Variants in C18orf63 observed in about 807,000 individuals in gnomAD.
C18orf63 encodes chromosome 18 open reading frame 63, also known as uncharacterized protein C18orf63.
A neutral mutation model predicts 75.3 loss-of-function variants in C18orf63; 50 were observed. The ratio of observed to expected loss-of-function variants is 0.66; its 90% confidence interval spans 0.53 to 0.84. C18orf63 has a LOEUF of 0.84. Among genes scored for constraint, C18orf63 ranks in the 40% least tolerant of loss-of-function variants. The pLI is 0.00. For synonymous variants in C18orf63, 232 were observed against 267.6 expected, an observed-to-expected ratio of 0.87 and a Z score of 1.30; for missense variants, 732 against 800.2, an observed-to-expected ratio of 0.91 and a Z score of 1.03.
intron 9 of C18orf63, 45 bp from the exon 10 acceptor site, chr18:74,342,196 T>C: frequency 6.9e-7 from 1 of 1,442,302 alleles, no homozygotes; most frequent in Non-Finnish European, 9.4e-7. Flanking sequence ...TTAACCTAAG[T>C]TTAGCTTTCT....
rs899211550 is a variant in C18orf63, at chr18:74,355,340, A to G, written c.*33+794A>G. Among the ~76,000 whole-genome samples the G allele has an allele frequency of 2.6e-5, 4 of 152,022 alleles. No individual in the cohort carries two copies. In the East Asian group the frequency reaches 7.8e-4, roughly 30 times the overall value. On this transcript the variant is annotated intron_variant, in intron 13 of 13. Transcript: ENST00000579455. Reference sequence around the variant, plus strand: ...GACATCTTAATATTTTAATGCACTCAGTAGGTGACTGAGGGAAAAATGCAT... The same window carrying G: ...GACATCTTAATATTTTAATGCACTCGGTAGGTGACTGAGGGAAAAATGCAT...
intron 7 of C18orf63, among the ~76,000 whole-genome samples, chr18:74,337,313 C>T (rs543860377): frequency 3.9e-5 from 6 of 152,054 alleles, no homozygotes; most frequent in Non-Finnish European, 8.8e-5. Context: ...GGTGGTTTGC[C>T]AGTCTTTAAT....
At chr18:74,322,458 C>T (rs1984140270) in intron 3 of C18orf63, among the ~76,000 whole-genome samples, 2 of 151,942 alleles carry the variant, frequency 1.3e-5, no homozygotes, top group African/African-American at 4.8e-5. Context: ...TGACCTTTTC[C>T]TTTATATGGA....
intron 8 of C18orf63, among the ~76,000 whole-genome samples, chr18:74,340,120 A>G (rs950571967): frequency 6.6e-6 from 1 of 151,674 alleles, no homozygotes; most frequent in East Asian, 1.9e-4. Context: ...ATAAAGAGCT[A>G]CTATCCAAAG....
At chr18:74,348,418 A>G (rs1223490978) in intron 11 of C18orf63, among the ~76,000 whole-genome samples, 1 of 152,224 alleles carries the variant, frequency 6.6e-6, no homozygotes, top group Non-Finnish European at 1.5e-5. Context: ...GGTGCAATGC[A>G]CTGAACCAAA....
chr18:74,353,287 G>A lies in C18orf63; in HGVS notation c.1020G>A (p.Met340Ile). Residue 340 changes from methionine to isoleucine, a missense_variant, in exon 12 of 14, where the codon ATG becomes ATA. Physicochemically the swap from Met to Ile is conservative, Grantham distance 10. Around this residue, in one of 3 missense-constraint regions of C18orf63, gnomAD observed 495 missense variants for 508.7 expected, o/e 0.97. Transcript: ENST00000579455. ...CACCCAATTTGACCACTAAAAAAAT[G>A]CTTAGGGCATCTCTGACTCAAGCCA... Reference protein sequence around the residue: ...VKPPNLTTKKMLRASLTQATS... With the variant: ...VKPPNLTTKKILRASLTQATS... 6.5e-7 allele frequency: 1 copy of A among 1,536,312 alleles called. No homozygotes were observed. The highest frequency in any genetic ancestry group is 8.7e-7 in the Non-Finnish European group (1 of 1,146,938).
intron 6 of C18orf63, 72 bp downstream of exon 6, chr18:74,329,108 G>C: frequency 1.0e-6 from 1 of 994,386 alleles, no homozygotes; most frequent in South Asian, 1.4e-5. Context: ...AGTATCATAT[G>C]CTGGGCACAG....
intron 7 of C18orf63, among the ~76,000 whole-genome samples, chr18:74,336,992 C>G (rs1053277514): frequency 6.6e-6 from 1 of 152,012 alleles, no homozygotes; most frequent in Non-Finnish European, 1.5e-5. Flanking sequence ...TTAAACCAGT[C>G]TCCATATGGG....
At position 74,354,252 on chromosome 18, in the gene C18orf63, GTTC is replaced by G; in HGVS notation, c.1990_1992del (p.Ser664del). The G allele has an allele frequency of 6.6e-7, 1 of 1,510,546 alleles. No homozygotes were observed. The highest frequency in any genetic ancestry group is 8.8e-7 in the Non-Finnish European group (1 of 1,138,384). 93.6% of individuals were successfully genotyped at this position (1,510,546 alleles called of 1,614,324 possible). ...GATACTGTGCACTATGGCCAATCCA[GTTC>G]TTCTAAGAAGCAGGTAAAAAAAAAA... On this transcript the variant is annotated inframe_deletion, in exon 12 of 14. Transcript: ENST00000579455.
At chr18:74,355,247 T>G (rs115253048) in intron 13 of C18orf63, among the ~76,000 whole-genome samples, 1,891 of 152,326 alleles carry the variant, frequency 0.012, 28 homozygotes, top group African/African-American at 0.042. Flanking sequence ...CAGCCTGATT[T>G]TAATTAACCA....
intron 11 of C18orf63, among the ~76,000 whole-genome samples, chr18:74,347,794 T>C (rs1984598383): frequency 6.6e-6 from 1 of 152,208 alleles, no homozygotes; most frequent in Non-Finnish European, 1.5e-5. Context: ...CAAACTTGTT[T>C]TGTTTTAACA....
chr18:74,348,479 T>C (rs926130465), intron 11 of C18orf63, among the ~76,000 whole-genome samples: 6 of 152,210 alleles, frequency 3.9e-5, no homozygotes, highest in African/African-American at 1.4e-4. Context: ...TTTCTCAAGT[T>C]TCATTTTCAT....
intron 10 of C18orf63, 149 bp from the exon 11 acceptor site, chr18:74,343,370 G>A: frequency 2.2e-6 from 1 of 462,246 alleles, no homozygotes; most frequent in Non-Finnish European, 3.8e-6. Context: ...ACTTTCATCT[G>A]TGGATGGTAT....
chr18:74,342,410 C>G, intron 10 of C18orf63, 84 bp downstream of exon 10: 1 of 775,644 alleles, frequency 1.3e-6, no homozygotes, highest in Non-Finnish European at 2.1e-6. Context: ...TCATACTTTT[C>G]AACCTTCTTT....
intron 7 of C18orf63, among the ~76,000 whole-genome samples, chr18:74,334,643 G>C (rs1056728416): frequency 4.6e-5 from 7 of 152,058 alleles, no homozygotes; most frequent in South Asian, 4.1e-4. Flanking sequence ...TATTAGGTCA[G>C]GTTGTGGGGA....
intron 7 of C18orf63, among the ~76,000 whole-genome samples, chr18:74,337,715 T>C (rs1338579532): frequency 6.6e-6 from 1 of 152,160 alleles, no homozygotes; most frequent in Non-Finnish European, 1.5e-5. Flanking sequence ...TCCTTGCTCT[T>C]TTACCTCACA....
At chr18:74,344,548 C>T (rs1461953978) in intron 11 of C18orf63, among the ~76,000 whole-genome samples, 1 of 152,096 alleles carries the variant, frequency 6.6e-6, no homozygotes, top group Non-Finnish European at 1.5e-5. Context: ...CTCCTTTCCT[C>T]CTCCCAAAAG....
chr18:74,326,719 G>A (rs907118717), intron 4 of C18orf63, among the ~76,000 whole-genome samples: 10 of 152,130 alleles, frequency 6.6e-5, no homozygotes, highest in Middle Eastern at 3.2e-3. Flanking sequence ...CCTGATGTCG[G>A]ATATGTTGTG....
At chr18:74,355,579 C>T (rs1347837507) in intron 13 of C18orf63, among the ~76,000 whole-genome samples, 1 of 151,844 alleles carries the variant, frequency 6.6e-6, no homozygotes, top group African/African-American at 2.4e-5. Flanking sequence ...TCAGGAGTTC[C>T]AGACCAGCCT....
Sources: gnomAD v4.1 joint callset for allele counts (sites outside exome capture counted in the v4.1 genomes callset) on GRCh38, gnomAD v4.1.1 for gene constraint, gnomAD v4.1.1 regional missense constraint, MANE v1.5 for transcripts, NCBI Gene and HGNC (gene_info 2026-07-23, HGNC 2026-07-21) for gene names.